The following GRIK2 variants were observed in gnomAD, a reference collection of about 807,000 sequenced individuals.
The protein encoded by GRIK2 is glutamate ionotropic receptor kainate type subunit 2.
A neutral mutation model predicts 100.3 loss-of-function variants in GRIK2; 32 were observed. The ratio of observed to expected loss-of-function variants is 0.32; its 90% CI spans 0.24 to 0.43. GRIK2 has a LOEUF of 0.43. Ranked by LOEUF, GRIK2 falls within the 20% of genes least tolerant of loss-of-function variation. GRIK2 has a pLI of 1.00. For synonymous variants in GRIK2, 417 were observed against 389.4 expected (o/e 1.07, Z -0.83); for missense variants, 843 against 1,114.9 (o/e 0.76, Z 3.47).
chr6:101,879,338 A>G (rs938113234), intron 11 of GRIK2, among the ~76,000 whole-genome samples: 2 of 151,978 alleles, frequency 1.3e-5, no homozygotes, highest in African/African-American at 4.8e-5. Flanking sequence ...TGCTTCTTTG[A>G]GGCTCATTTC....
intron 2 of GRIK2, among the ~76,000 whole-genome samples, chr6:101,520,168 C>A (rs1020566432): frequency 1.1e-4 from 11 of 97,326 alleles, no homozygotes; most frequent in Non-Finnish European, 2.0e-4. Flanking sequence ...GATAAATCTT[C>A]TTTTTATTAT....
intron 14 of GRIK2, among the ~76,000 whole-genome samples, chr6:102,014,811 CA>C (rs1238095851): frequency 6.6e-6 from 1 of 151,922 alleles, no homozygotes; most frequent in Non-Finnish European, 1.5e-5. Flanking sequence ...GTTGGTATGA[CA>C]GGGGGTTCTT....
chr6:101,726,861 C>T (rs764216196), intron 7 of GRIK2, among the ~76,000 whole-genome samples: 14 of 152,076 alleles, frequency 9.2e-5, no homozygotes, highest in Middle Eastern at 6.8e-3. Flanking sequence ...TTTATAACAT[C>T]TCCACAACAT....
At chr6:101,922,149 C>CT (rs1373010363) in intron 12 of GRIK2, among the ~76,000 whole-genome samples, 5 of 138,160 alleles carry the variant, frequency 3.6e-5, no homozygotes, top group South Asian at 2.3e-4. Context: ...CCCTCCCTTC[C>CT]TCCCTCACTC....
intron 7 of GRIK2, among the ~76,000 whole-genome samples, chr6:101,739,376 T>C (rs1775881344): frequency 6.6e-6 from 1 of 152,182 alleles, no homozygotes; most frequent in East Asian, 1.9e-4. Flanking sequence ...TCTGCCATTT[T>C]TGTGGGTTTC....
At chr6:101,447,666 C>G (rs1770453841) in intron 2 of GRIK2, among the ~76,000 whole-genome samples, 1 of 151,652 alleles carries the variant, frequency 6.6e-6, no homozygotes, top group African/African-American at 2.4e-5. Context: ...TACAATATCT[C>G]TCACAGATTG....
At chr6:101,957,269 GT>G (rs35974466) in intron 14 of GRIK2, among the ~76,000 whole-genome samples, 150,966 of 151,878 alleles carry the variant, frequency 0.99, 75,036 homozygotes, top group Middle Eastern at 1. Flanking sequence ...TTTTTGTCAT[GT>G]TTTTTTGGCT....
At chr6:101,754,758 C>A (rs186631886) in intron 7 of GRIK2, among the ~76,000 whole-genome samples, 2 of 152,058 alleles carry the variant, frequency 1.3e-5, no homozygotes, top group Admixed American at 1.3e-4. Flanking sequence ...ATTATGGGAA[C>A]GAGGGATGAG....
chr6:102,029,913 TTATCTG>T (rs1439508742), intron 14 of GRIK2, among the ~76,000 whole-genome samples: 1 of 151,264 alleles, frequency 6.6e-6, no homozygotes, highest in African/African-American at 2.4e-5. Context: ...TCCTGGTATC[TTATCTG>T]TATCTACATA....
intron 12 of GRIK2, among the ~76,000 whole-genome samples, chr6:101,911,342 A>G (rs1788675572): frequency 6.6e-6 from 1 of 151,592 alleles, no homozygotes; most frequent in Non-Finnish European, 1.5e-5. Flanking sequence ...CCAAATTGGT[A>G]TTACATTTCA....
chr6:101,985,099 T>G (rs527950029), intron 14 of GRIK2, among the ~76,000 whole-genome samples: 1 of 151,830 alleles, frequency 6.6e-6, no homozygotes, highest in South Asian at 2.1e-4. Context: ...GCAATTGAAG[T>G]AGATTGTGCC....
chr6:101,585,075 A>T (rs147140446), intron 2 of GRIK2, among the ~76,000 whole-genome samples: 1 of 152,154 alleles, frequency 6.6e-6, no homozygotes, highest in Non-Finnish European at 1.5e-5. Context: ...TTTCTCAGCT[A>T]TATGAATAAT....
At chr6:101,602,997 C>T (rs2128310736) in intron 2 of GRIK2, among the ~76,000 whole-genome samples, 1 of 151,762 alleles carries the variant, frequency 6.6e-6, no homozygotes, top group South Asian at 2.1e-4. Context: ...CAGAAATGCT[C>T]AACCTACTTC....
At chr6:101,939,321 T>C (rs1790811258) in intron 14 of GRIK2, among the ~76,000 whole-genome samples, 1 of 152,082 alleles carries the variant, frequency 6.6e-6, no homozygotes, top group East Asian at 1.9e-4. Context: ...ATGTCTTATA[T>C]ATTGTTCGTA....
chr6:101,581,594 T>G, intron 2 of GRIK2, among the ~76,000 whole-genome samples: 1 of 152,090 alleles, frequency 6.6e-6, no homozygotes, highest in East Asian at 1.9e-4. Context: ...ATTAATATAT[T>G]CTGTGAGAAT....
chr6:101,448,979 G>A (rs1247121149), intron 2 of GRIK2, among the ~76,000 whole-genome samples: 3 of 151,426 alleles, frequency 2.0e-5, no homozygotes, highest in Non-Finnish European at 4.4e-5. Flanking sequence ...ACTATTAAAA[G>A]ATAAAAAGAA....
At chr6:101,828,522 A>C (rs1782478543) in intron 10 of GRIK2, among the ~76,000 whole-genome samples, 1 of 151,984 alleles carries the variant, frequency 6.6e-6, no homozygotes, top group African/African-American at 2.4e-5. Flanking sequence ...ATATACTGCT[A>C]GCTAGATTAA....
At position 101,950,374 on chromosome 6, in the gene GRIK2, A is replaced by ACC. The variant is rs550418088; in HGVS notation, c.2085+21743_2085+21744dup. 8.9e-4 allele frequency among the ~76,000 whole-genome samples: 135 copies of ACC among 151,930 alleles called. 1 individual carries two copies. Among genetic ancestry groups the ACC allele is most frequent in the African/African-American group, 3.0e-3 (124 of 41,400 alleles). ...GGTTGACCAGAGGTCACTTGAATAA[A>ACC]CCTCTCTCTCTACTAAAACTTGAAA... is the stretch of plus-strand genomic sequence containing the variant. On this transcript the variant is annotated intron_variant, in intron 14 of 16. Transcript: ENST00000369134.
intron 9 of GRIK2, among the ~76,000 whole-genome samples, chr6:101,807,046 A>G (rs978963009): frequency 1.4e-4 from 22 of 151,952 alleles, no homozygotes; most frequent in Admixed American, 9.9e-4. Context: ...TGACTGTTGA[A>G]TGAATAAAGA....
Sources: gnomAD v4.1 joint callset for allele counts (sites outside exome capture counted in the v4.1 genomes callset) on GRCh38, gnomAD v4.1.1 for gene constraint, MANE v1.5 for transcripts, NCBI Gene and HGNC (gene_info 2026-07-23, HGNC 2026-07-21) for gene names.